Variants in USP36 observed in about 807,000 individuals in gnomAD.
USP36 encodes ubiquitin specific peptidase 36, also known as ubiquitin carboxyl-terminal hydrolase 36.
A neutral mutation model predicts 111.5 loss-of-function variants in USP36; 59 were observed. The observed-to-expected ratio is 0.53, with a 90% CI of 0.43 to 0.66. The LOEUF (loss-of-function observed/expected upper bound fraction) is 0.66, where lower values mean the gene tolerates loss of function less well. Ranked by LOEUF, USP36 falls within the 30% of genes least tolerant of loss-of-function variation. The probability of loss-of-function intolerance (pLI) is 0.00; values close to 1 mark genes in which losing one functional copy is unlikely to be tolerated. For missense variants in USP36, 1,488 were observed against 1,468.0 expected (o/e 1.01, Z -0.22); for synonymous variants, 628 against 581.0 (o/e 1.08, Z -1.16).
rs1018255522 is a variant in USP36, at chr17:78,818,778, T to C, written c.912A>G (p.Lys304=). 2 of 1,613,744 alleles carry C rather than the reference T, an allele frequency of 1.2e-6. No individual in the cohort carries two copies. Among genetic ancestry groups the C allele is most frequent in the Non-Finnish European group, 1.7e-6 (2 of 1,179,832 alleles). The stretch of plus-strand genomic sequence containing the variant: ...TGCTGGCTGGAACCTTCTTCTTGCA[T>C]CTATGAAGAAGGTGATGAGAAAGAT... ...LSGENAYMCA[K]CKKKVPASKR... is the part of the protein sequence containing the mutation. The change falls in exon 10 of 21, where the codon AAA becomes AAG. Residue 304 remains lysine (K), a splice_region_variant and synonymous_variant. Coordinates refer to ENST00000449938, the MANE Select transcript of USP36 (RefSeq NM_001385174.1).
At chr17:78,815,876 T>A (rs186109542) in intron 10 of USP36, among the ~76,000 whole-genome samples, 7 of 151,974 alleles carry the variant, frequency 4.6e-5, no homozygotes, top group African/African-American at 1.7e-4. Context: ...TGTACGCATA[T>A]ACATACATGC....
chr17:78,821,192 T>A, intron 7 of USP36, 131 bp from the exon 8 acceptor site: 1 of 765,152 alleles, frequency 1.3e-6, no homozygotes, highest in Non-Finnish European at 2.1e-6. Context: ...CACTAGCCCC[T>A]GAAGCATCCT....
At chr17:78,815,733 C>T (rs1022005699) in intron 10 of USP36, among the ~76,000 whole-genome samples, 1 of 152,152 alleles carries the variant, frequency 6.6e-6, no homozygotes, top group Admixed American at 6.6e-5. Flanking sequence ...CACACATATA[C>T]ATAACATGCA....
intron 17 of USP36, among the ~76,000 whole-genome samples, chr17:78,801,650 C>A (rs1283687153): frequency 6.6e-6 from 1 of 152,178 alleles, no homozygotes; most frequent in Non-Finnish European, 1.5e-5. Context: ...GCACACAGGT[C>A]CCCAACAGCA....
chr17:78,821,715 G>A (rs1326604307), intron 7 of USP36, among the ~76,000 whole-genome samples: 1 of 152,040 alleles, frequency 6.6e-6, no homozygotes, highest in African/African-American at 2.4e-5. Context: ...TGGGATTACA[G>A]GCGTGAGCCA....
At position 78,806,674 on chromosome 17, in the gene USP36, A is replaced by G. The variant is rs368778432; in HGVS notation, c.2085+285T>C. Among the ~76,000 whole-genome samples the G allele has an allele frequency of 5.9e-5, 9 of 152,236 alleles. No individual in the cohort carries two copies. In the East Asian group the frequency reaches 1.4e-3, roughly 23 times the overall value. The stretch of plus-strand genomic sequence containing the variant: ...CCACCCTCCCTCGGGTTCAGTCAGG[A>G]TCTTCCACCTACTGTGAAAACAGGG... On this transcript the variant is annotated intron_variant, in intron 14 of 20. Transcript: ENST00000449938.
In USP36 at chr17:78,820,338, G is replaced by T. The variant is rs182774122; in HGVS notation, c.829-326C>A. Among the ~76,000 whole-genome samples, 3 of 152,152 alleles carry T rather than the reference G, an allele frequency of 2.0e-5. No individual in the cohort carries two copies. In the East Asian group the frequency reaches 5.8e-4, roughly 29 times the overall value. ...AAGAAATTTAAAAAATTAGCCAGGCGTGGTGGTGCATGCCTGTAGTACCAG... is the reference window on the plus strand; with the variant it reads ...AAGAAATTTAAAAAATTAGCCAGGCTTGGTGGTGCATGCCTGTAGTACCAG... On this transcript the variant is annotated intron_variant, in intron 8 of 20. Coordinates refer to ENST00000449938, the MANE Select transcript of USP36 (RefSeq NM_001385174.1).
intron 17 of USP36, among the ~76,000 whole-genome samples, chr17:78,800,453 T>C (rs929514830): frequency 2.0e-5 from 3 of 152,246 alleles, no homozygotes; most frequent in African/African-American, 7.2e-5. Context: ...AAACCCTTTC[T>C]GAACTCGTCC....
At position 78,803,773 on chromosome 17, in the gene USP36, G is replaced by T; in HGVS notation, c.2422C>A (p.Pro808Thr). The T allele has an allele frequency of 6.2e-6, 10 of 1,612,802 alleles. No homozygotes were observed. Among genetic ancestry groups the T allele is most frequent in the Non-Finnish European group, 8.5e-6 (10 of 1,179,958 alleles). The change falls in exon 16 of 21, where the codon CCC becomes ACC. Residue 808 changes from proline to threonine, a missense_variant. Physicochemically the swap from Pro to Thr is conservative, Grantham distance 38. Around this residue, in one of 3 missense-constraint regions of USP36, gnomAD observed 1,073 missense variants for 994.1 expected, o/e 1.08. Transcript: ENST00000449938. The surrounding 1 kb of genome is among the most constrained non-coding windows in gnomAD (Gnocchi z 4.6). ...LPEASEPPQS[P>T]SEKRKKTFVG... ...AAGGTCTTTTTCCTCTTCTCAGAGG[G>T]GCTCTGGGGGGGCTCACTGGCCTCT...
intron 4 of USP36, among the ~76,000 whole-genome samples, chr17:78,833,921 C>T (rs758532602): frequency 1.3e-5 from 2 of 151,968 alleles, no homozygotes; most frequent in Non-Finnish European, 2.9e-5. Flanking sequence ...TTTGGAAGAA[C>T]GTGTAAAGGA....
At chr17:78,795,016 A>G (rs539702038), downstream of USP36, among the ~76,000 whole-genome samples, 1 of 147,596 alleles carries the variant, frequency 6.8e-6, no homozygotes, top group East Asian at 1.9e-4. This position sits in a 1 kb window ranked among gnomAD's most constrained non-coding sequence, Gnocchi z 4.5. Context: ...CGGGAAAAAA[A>G]AAAAAAAAAA....
chr17:78,787,608 G>A (rs2093546362), exon 4 of USP36: 1 of 152,224 alleles, frequency 6.6e-6, no homozygotes, highest in Non-Finnish European at 1.5e-5. Context: ...CAGCCAGAAA[G>A]CCCCAAGCTC....
At chr17:78,826,958 CT>C (rs2067600607) in intron 6 of USP36, 4 of 601,530 alleles carry the variant, frequency 6.6e-6, no homozygotes, top group African/African-American at 5.5e-5. Flanking sequence ...ATATTTCCCC[CT>C]GACTGAGCTG....
chr17:78,820,755 G>A (rs1184216518), intron 8 of USP36, among the ~76,000 whole-genome samples: 1 of 152,182 alleles, frequency 6.6e-6, no homozygotes. Flanking sequence ...TCCTGTTCAT[G>A]CTTCAGGACA....
chr17:78,824,539 G>C (rs974688548), intron 6 of USP36, among the ~76,000 whole-genome samples: 2 of 152,116 alleles, frequency 1.3e-5, no homozygotes, highest in African/African-American at 4.8e-5. Context: ...GCAAGGCCCT[G>C]TCTCAAAAAG....
chr17:78,800,022 T>C (rs1010779965), intron 17 of USP36, among the ~76,000 whole-genome samples: 2 of 151,530 alleles, frequency 1.3e-5, no homozygotes, highest in African/African-American at 4.8e-5. Context: ...TAAATGCTTA[T>C]TTACTAATGC....
intron 6 of USP36, among the ~76,000 whole-genome samples, chr17:78,823,390 C>T (rs1599065035): frequency 6.6e-6 from 1 of 152,156 alleles, no homozygotes; most frequent in African/African-American, 2.4e-5. Flanking sequence ...CACCAGCGCC[C>T]GCAGGGCCAC....
rs1599049318 is a variant in USP36 at position 78,819,924 on chromosome 17, A to G, written c.911+6T>C. The G allele has an allele frequency of 3.1e-6, 5 of 1,613,786 alleles. 1 individual carries two copies. The Admixed American group carries it at 8.3e-5, about 27-fold the overall frequency. On this transcript the variant is annotated splice_donor_region_variant and intron_variant, in intron 9 of 20. Transcript: ENST00000449938. Reference sequence around the variant, plus strand: ...AGTCTTCTGCCACAAGCAACGTGAAACTTACTTAGCACACATGTAGGCATT... The same window carrying G: ...AGTCTTCTGCCACAAGCAACGTGAAGCTTACTTAGCACACATGTAGGCATT...
upstream of USP36, chr17:78,841,075 C>G (rs569698207): frequency 7.2e-5 from 11 of 152,250 alleles, no homozygotes; most frequent in African/African-American, 2.7e-4. Flanking sequence ...GGTGACGTCT[C>G]CGCAGCGCAC....
Sources: allele counts gnomAD v4.1 joint callset (sites outside exome capture counted in the v4.1 genomes callset), GRCh38; gene constraint gnomAD v4.1.1; regional missense constraint gnomAD v4.1.1; non-coding constraint Gnocchi (gnomAD v3.1); transcripts MANE v1.5; gene names NCBI Gene and HGNC (gene_info 2026-07-23, HGNC 2026-07-21).